The following NMNAT3 variants were observed in gnomAD, a reference collection of about 807,000 sequenced individuals.
NMNAT3 encodes nicotinamide nucleotide adenylyltransferase 3.
NMNAT3 carries 21 observed loss-of-function variants against 24.8 expected under a neutral mutation model. The observed-to-expected ratio is 0.85, with a 90% CI of 0.60 to 1.22. The LOEUF (loss-of-function observed/expected upper bound fraction) is 1.22. Among genes scored for constraint, NMNAT3 ranks in the 50% most tolerant of loss-of-function variants. NMNAT3 has a pLI of 0.00. For missense variants in NMNAT3, 387 were observed against 436.6 expected (o/e 0.89, Z 1.01); for synonymous variants, 136 against 155.2 (o/e 0.88, Z 0.92).
chr3:139,591,332 G>A (rs910365898), intron 3 of NMNAT3, among the ~76,000 whole-genome samples: 3 of 152,108 alleles, frequency 2.0e-5, no homozygotes, highest in African/African-American at 2.4e-5. Flanking sequence ...CCACGGAATC[G>A]CGCTGATTGC....
rs375244227 is a variant in NMNAT3 at position 139,579,055 on chromosome 3, C to G, written c.392G>C (p.Gly131Ala). Reference sequence around the variant, plus strand: ...GATACCCTGGATGACCTGGTACATTCCTAGGTAAGAGAGAGCAGTGGTGTT... The same window carrying G: ...GATACCCTGGATGACCTGGTACATTGCTAGGTAAGAGAGAGCAGTGGTGTT... Residue 131 changes from glycine to alanine, a missense_variant and splice_region_variant, in exon 5 of 7, where the codon GGA (glycine) becomes GCA (alanine). By Grantham distance (60) the Gly-to-Ala change is moderately conservative. Coordinates refer to ENST00000643695, the MANE Select transcript of NMNAT3 (RefSeq NM_001320510.2). 8.7e-6 allele frequency: 14 copies of G among 1,612,600 alleles called. No homozygotes were observed. Among genetic ancestry groups the G allele is most frequent in the South Asian group, 1.1e-5 (1 of 90,606 alleles).
chr3:139,669,251 T>C (rs1281717590), intron 1 of NMNAT3, among the ~76,000 whole-genome samples: 1 of 151,946 alleles, frequency 6.6e-6, no homozygotes, highest in Non-Finnish European at 1.5e-5. Flanking sequence ...GGCAGGCAGA[T>C]CACTTGAGCC....
chr3:139,645,968 T>C (rs1312856864), intron 1 of NMNAT3, among the ~76,000 whole-genome samples: 1 of 152,156 alleles, frequency 6.6e-6, no homozygotes, highest in Non-Finnish European at 1.5e-5. Flanking sequence ...GCAGAGAATA[T>C]AAATGAGTTA....
At chr3:139,581,922 C>T (rs954342188) in intron 4 of NMNAT3, among the ~76,000 whole-genome samples, 18 of 151,576 alleles carry the variant, frequency 1.2e-4, no homozygotes, top group African/African-American at 3.9e-4. Context: ...AGGCTGGGTG[C>T]GGTGGCTCAT....
At chr3:139,653,962 GCCCTCTGACCAGCGCTTCTGCTCC>G (rs891263283) in intron 1 of NMNAT3, among the ~76,000 whole-genome samples, 3 of 152,164 alleles carry the variant, frequency 2.0e-5, no homozygotes, top group Non-Finnish European at 4.4e-5. Context: ...GGCAAATAGT[GCCCTCTGACCAGCGCTTCTGCTCC>G]CCCCTCTTGT....
intron 6 of NMNAT3, chr3:139,568,211 G>T (rs964223872): frequency 6.6e-6 from 1 of 151,866 alleles, no homozygotes; most frequent in Non-Finnish European, 1.5e-5. Flanking sequence ...TTTTTATTGC[G>T]TCTATTTGAT....
At chr3:139,627,507 G>A in intron 3 of NMNAT3, 109 bp downstream of exon 4, 1 of 594,946 alleles carries the variant, frequency 1.7e-6, no homozygotes, top group South Asian at 2.3e-5. Flanking sequence ...CACTAGTTAT[G>A]CTGTGAATAA....
At chr3:139,638,541 A>C (rs1284958209) in intron 1 of NMNAT3, among the ~76,000 whole-genome samples, 2 of 152,194 alleles carry the variant, frequency 1.3e-5, no homozygotes, top group Non-Finnish European at 2.9e-5. Context: ...TCTAGTGCCC[A>C]AATCACAAAA....
intron 3 of NMNAT3, among the ~76,000 whole-genome samples, chr3:139,589,771 G>A (rs2054087080): frequency 1.3e-5 from 2 of 152,134 alleles, no homozygotes; most frequent in South Asian, 4.1e-4. Context: ...ATGAAAATAG[G>A]CTATGGATCA....
chr3:139,575,573 T>A, intron 5 of NMNAT3: 1 of 995,780 alleles, frequency 1.0e-6, no homozygotes, highest in South Asian at 4.5e-5. Context: ...GTGATTCTCA[T>A]TTTACTTACC....
intron 1 of NMNAT3, among the ~76,000 whole-genome samples, 166 bp from the exon 2 acceptor site, chr3:139,638,228 T>G (rs917275006): frequency 1.3e-5 from 2 of 152,194 alleles, no homozygotes; most frequent in African/African-American, 2.4e-5. Context: ...CTTCCAAACT[T>G]AAATTTTGTT....
chr3:139,597,300 G>T (rs2108204290), intron 3 of NMNAT3, among the ~76,000 whole-genome samples: 1 of 151,958 alleles, frequency 6.6e-6, no homozygotes, highest in Non-Finnish European at 1.5e-5. Flanking sequence ...AATTTACTGA[G>T]AGCATAAAAA....
At position 139,599,577 on chromosome 3, in the gene NMNAT3, A is replaced by G. The variant is rs987457456; in HGVS notation, c.110-16369T>C. The G allele has an allele frequency of 5.0e-6, 3 of 605,040 alleles. No homozygotes were observed. The African/African-American group carries it at 5.5e-5, about 11-fold the overall frequency. The allele number at this position is 605,040 out of a possible 1,614,324, so 37.5% of individuals were successfully genotyped here. A position where few individuals can be genotyped will look rare whatever the true frequency, so the allele number is the denominator to read the frequency against. Reference sequence around the variant, plus strand: ...AAACATAAAAAAGACCAGAATCTCAACTAAATGGTTATGCATGCCTTTACA... The same window carrying G: ...AAACATAAAAAAGACCAGAATCTCAGCTAAATGGTTATGCATGCCTTTACA... On this transcript the variant is annotated intron_variant, in intron 3 of 6. Coordinates refer to ENST00000643695, the MANE Select transcript of NMNAT3 (RefSeq NM_001320510.2).
intron 1 of NMNAT3, among the ~76,000 whole-genome samples, chr3:139,646,061 A>G (rs1279378927): frequency 6.6e-6 from 1 of 152,228 alleles, no homozygotes; most frequent in East Asian, 1.9e-4. Flanking sequence ...TCAAAAGGCT[A>G]AAGCAACTTG....
At chr3:139,650,347 T>G (rs945953756) in intron 1 of NMNAT3, among the ~76,000 whole-genome samples, 1 of 152,202 alleles carries the variant, frequency 6.6e-6, no homozygotes, top group Non-Finnish European at 1.5e-5. Context: ...ATACATAGAT[T>G]GGGAGTTGGA....
chr3:139,601,175 T>C (rs926738362), intron 3 of NMNAT3, among the ~76,000 whole-genome samples: 5 of 152,188 alleles, frequency 3.3e-5, no homozygotes, highest in Non-Finnish European at 7.4e-5. Flanking sequence ...ATCCTCCATG[T>C]GTGGAATCTA....
intron 2 of NMNAT3, chr3:139,637,017 CT>C (rs763208973): frequency 2.0e-5 from 3 of 152,316 alleles, no homozygotes; most frequent in Non-Finnish European, 4.4e-5. Context: ...AGACTTGACC[CT>C]GCTTATGGGC....
chr3:139,620,736 C>T (rs2055731272), intron 3 of NMNAT3, among the ~76,000 whole-genome samples: 1 of 151,474 alleles, frequency 6.6e-6, no homozygotes, highest in African/African-American at 2.4e-5. Flanking sequence ...TTTTTTGAGA[C>T]AGGATGTCAC....
chr3:139,647,991 G>T (rs2056924848), intron 1 of NMNAT3, among the ~76,000 whole-genome samples: 1 of 152,176 alleles, frequency 6.6e-6, no homozygotes, highest in Non-Finnish European at 1.5e-5. Context: ...TCAACTTCCT[G>T]CCTGCAGCAA....
Sources: gnomAD v4.1 joint callset for allele counts (sites outside exome capture counted in the v4.1 genomes callset) on GRCh38, gnomAD v4.1.1 for gene constraint, MANE v1.5 for transcripts, NCBI Gene and HGNC (gene_info 2026-07-23, HGNC 2026-07-21) for gene names.